Variants in PTPRD observed in about 807,000 individuals in gnomAD.
PTPRD encodes the protein protein tyrosine phosphatase receptor type D, also known as receptor-type tyrosine-protein phosphatase delta.
PTPRD carries 34 observed loss-of-function variants against 214.5 expected under a neutral mutation model. The ratio of observed to expected loss-of-function variants is 0.16; its 90% confidence interval spans 0.12 to 0.21. The LOEUF (loss-of-function observed/expected upper bound fraction) is 0.21, where lower values mean the gene tolerates loss of function less well. Ranked by LOEUF, PTPRD falls within the 10% of genes least tolerant of loss-of-function variation. PTPRD has a pLI of 1.00. For synonymous variants in PTPRD, 1,128 were observed against 845.7 expected (o/e 1.33, Z -5.79); for missense variants, 2,545 against 2,398.7 (o/e 1.06, Z -1.27).
chr9:8,514,495 TCTTC>T (rs2097748071), intron 21 of PTPRD, among the ~76,000 whole-genome samples: 1 of 152,004 alleles, frequency 6.6e-6, no homozygotes, highest in African/African-American at 2.4e-5. Context: ...ATAAAAATGT[TCTTC>T]CTTCCACTTC....
chr9:8,582,315 T>C (rs2093235870), intron 14 of PTPRD, among the ~76,000 whole-genome samples: 1 of 152,186 alleles, frequency 6.6e-6, no homozygotes, highest in African/African-American at 2.4e-5. Context: ...AAAGTAAATC[T>C]GTTAGATATA....
rs1436411859 is a variant in PTPRD, at chr9:9,067,323, A to G, written c.-142-48588T>C. ...TTTTGTGTTTATTACAGAAGTTAAT[A>G]GCTAAGTTTTTGAAACATTAATGCT... is the stretch of plus-strand genomic sequence containing the variant. On this transcript the variant is annotated intron_variant, in intron 10 of 45. Transcript: ENST00000381196. Among the ~76,000 whole-genome samples the G allele has an allele frequency of 2.6e-5, 4 of 152,246 alleles. No homozygotes were observed. In the East Asian group the frequency reaches 7.7e-4, roughly 29 times the overall value.
intron 9 of PTPRD, among the ~76,000 whole-genome samples, chr9:9,306,316 C>A (rs1002965097): frequency 2.6e-5 from 4 of 151,838 alleles, no homozygotes; most frequent in Non-Finnish European, 4.4e-5. Context: ...GTAATCTCAG[C>A]ACTTTGGGAG....
At chr9:10,595,528 T>C (rs1476544948) in intron 2 of PTPRD, among the ~76,000 whole-genome samples, 1 of 151,714 alleles carries the variant, frequency 6.6e-6, no homozygotes, top group Admixed American at 6.6e-5. Flanking sequence ...CATAGACAAG[T>C]GGGTTCTTTT....
chr9:8,441,392 C>G (rs2095542608), intron 34 of PTPRD, among the ~76,000 whole-genome samples: 1 of 152,022 alleles, frequency 6.6e-6, no homozygotes, highest in Admixed American at 6.6e-5. Flanking sequence ...CCAATCGGTT[C>G]AGACTGTTCA....
At chr9:9,122,431 C>G (rs988374510) in intron 10 of PTPRD, among the ~76,000 whole-genome samples, 1 of 152,022 alleles carries the variant, frequency 6.6e-6, no homozygotes, top group Non-Finnish European at 1.5e-5. Context: ...AGCAAATGTC[C>G]TAAATTTATG....
chr9:9,492,588 G>A (rs73405044), intron 8 of PTPRD, among the ~76,000 whole-genome samples: 77 of 152,064 alleles, frequency 5.1e-4, no homozygotes, highest in African/African-American at 1.7e-3. Context: ...AAAAGCAACT[G>A]ACAAAATTCA....
intron 8 of PTPRD, among the ~76,000 whole-genome samples, chr9:9,466,063 C>G (rs2146198317): frequency 6.6e-6 from 1 of 152,192 alleles, no homozygotes; most frequent in African/African-American, 2.4e-5. Context: ...AATACCAGCA[C>G]TTTGGAAGCT....
At chr9:10,210,722 TTA>T (rs576935300) in intron 3 of PTPRD, among the ~76,000 whole-genome samples, 1 of 145,666 alleles carries the variant, frequency 6.9e-6, no homozygotes, top group Non-Finnish European at 1.5e-5. Flanking sequence ...TTGTTTGATT[TTA>T]TATATATAAA....
At chr9:9,778,493 A>G (rs909951557) in intron 5 of PTPRD, among the ~76,000 whole-genome samples, 1 of 152,122 alleles carries the variant, frequency 6.6e-6, no homozygotes, top group African/African-American at 2.4e-5. Flanking sequence ...CGATTCCCGG[A>G]GGCATTGTTC....
intron 11 of PTPRD, among the ~76,000 whole-genome samples, chr9:8,979,335 GT>G (rs983377253): frequency 4.0e-5 from 6 of 151,856 alleles, no homozygotes; most frequent in African/African-American, 1.4e-4. Context: ...CTTGGCAATG[GT>G]TTTTTTTGGA....
intron 3 of PTPRD, among the ~76,000 whole-genome samples, chr9:10,317,381 C>T (rs1225159660): frequency 1.3e-5 from 2 of 151,826 alleles, no homozygotes; most frequent in Admixed American, 6.6e-5. Context: ...TGTTCATAGG[C>T]CAAACTTTCA....
At chr9:9,190,557 A>T (rs548276740) in intron 9 of PTPRD, among the ~76,000 whole-genome samples, 19 of 152,118 alleles carry the variant, frequency 1.2e-4, no homozygotes, top group Non-Finnish European at 2.2e-4. Flanking sequence ...GGACTAATAC[A>T]ACGAGTTAGC....
chr9:8,581,760 AAAAG>A (rs1051438773), intron 14 of PTPRD, among the ~76,000 whole-genome samples: 1 of 146,568 alleles, frequency 6.8e-6, no homozygotes. Flanking sequence ...ATAAATAAAT[AAAAG>A]AAAGGGAAGG....
At chr9:8,596,133 T>C (rs1202450334) in intron 14 of PTPRD, among the ~76,000 whole-genome samples, 9 of 152,140 alleles carry the variant, frequency 5.9e-5, no homozygotes, top group African/African-American at 2.4e-5. Flanking sequence ...TAATGCAGGG[T>C]AATGTGAGGT....
At chr9:10,294,410 T>A (rs1565099890) in intron 3 of PTPRD, among the ~76,000 whole-genome samples, 2 of 151,930 alleles carry the variant, frequency 1.3e-5, no homozygotes, top group African/African-American at 4.8e-5. Context: ...ATAAAAACCA[T>A]TAAAAACAAT....
chr9:10,347,351 C>T (rs1054714903), intron 2 of PTPRD, among the ~76,000 whole-genome samples: 2 of 151,136 alleles, frequency 1.3e-5, no homozygotes, highest in Non-Finnish European at 2.9e-5. Context: ...TAATTTAATT[C>T]ACTAGCATAC....
intron 2 of PTPRD, among the ~76,000 whole-genome samples, chr9:10,381,342 C>T (rs184241126): frequency 6.6e-6 from 1 of 152,026 alleles, no homozygotes; most frequent in African/African-American, 2.4e-5. Context: ...AGCAGGTATT[C>T]ATTTAACCAC....
At chr9:9,330,136 C>T (rs116127518) in intron 9 of PTPRD, among the ~76,000 whole-genome samples, 2,589 of 152,188 alleles carry the variant, frequency 0.017, 75 homozygotes, top group African/African-American at 0.06. Context: ...CCAGACCCTG[C>T]CATGCCATCT....
Sources: allele counts gnomAD v4.1 joint callset (sites outside exome capture counted in the v4.1 genomes callset), GRCh38; gene constraint gnomAD v4.1.1; transcripts MANE v1.5; gene names NCBI Gene and HGNC (gene_info 2026-07-23, HGNC 2026-07-21).